The following CYRIA variants were observed in gnomAD, a reference collection of about 807,000 sequenced individuals.
The protein encoded by CYRIA is CYFIP-related Rac1 interactor A.
Under a neutral mutation model 43.9 loss-of-function variants are expected in CYRIA, and 15 were observed. The ratio of observed to expected loss-of-function variants is 0.34; its 90% CI spans 0.23 to 0.53. The LOEUF (loss-of-function observed/expected upper bound fraction) is 0.53, where lower values mean the gene tolerates loss of function less well. Among genes scored for constraint, CYRIA ranks in the 20% least tolerant of loss-of-function variants. CYRIA has a pLI of 0.94. For synonymous variants in CYRIA, 117 were observed against 136.0 expected, an observed-to-expected ratio of 0.86 and a Z score of 0.97; for missense variants, 236 against 394.2, an observed-to-expected ratio of 0.60 and a Z score of 3.40.
rs1350993406 is a variant in CYRIA at position 16,592,301 on chromosome 2, C to A, written c.-10-4172G>T. On this transcript the variant is annotated intron_variant, in intron 2 of 11. Transcript: ENST00000381323. Reference sequence around the variant, plus strand: ...AAGGATACTCAAACTGGTATAAGGTCTTGGCTACCAGAGGAAGAGACGGGA... The same window carrying A: ...AAGGATACTCAAACTGGTATAAGGTATTGGCTACCAGAGGAAGAGACGGGA... Among the ~76,000 whole-genome samples, 6 of 152,208 alleles carry A rather than the reference C, an allele frequency of 3.9e-5. No homozygotes were observed. In the East Asian group the frequency reaches 1.2e-3, roughly 29 times the overall value.
intron 2 of CYRIA, among the ~76,000 whole-genome samples, chr2:16,589,798 A>G (rs1462056688): frequency 6.6e-6 from 1 of 152,082 alleles, no homozygotes; most frequent in Middle Eastern, 3.2e-3. Flanking sequence ...TGAAAGATGG[A>G]TTATAATAGG....
At chr2:16,565,124 AGCAC>A (rs1666879771) in intron 4 of CYRIA, among the ~76,000 whole-genome samples, 1 of 151,918 alleles carries the variant, frequency 6.6e-6, no homozygotes, top group South Asian at 2.1e-4. Context: ...ATTAATCTAT[AGCAC>A]TGTGTGCTCA....
At chr2:16,611,781 G>T (rs752992337) in intron 2 of CYRIA, among the ~76,000 whole-genome samples, 85 of 152,164 alleles carry the variant, frequency 5.6e-4, no homozygotes, top group African/African-American at 1.3e-3. Context: ...GGAGGTGGGG[G>T]GGTGGTGGTG....
At chr2:16,588,671 A>G (rs770675325) in intron 2 of CYRIA, among the ~76,000 whole-genome samples, 4 of 152,110 alleles carry the variant, frequency 2.6e-5, no homozygotes, top group Non-Finnish European at 5.9e-5. Flanking sequence ...TAAGTTCCTG[A>G]AAGCTCACGA....
At chr2:16,563,199 G>A (rs1057147077) in intron 5 of CYRIA, among the ~76,000 whole-genome samples, 1 of 152,138 alleles carries the variant, frequency 6.6e-6, no homozygotes, top group Admixed American at 6.5e-5. Flanking sequence ...ATAGAAAGAA[G>A]TCTATGTTCT....
chr2:16,578,232 G>A (rs537543665), intron 3 of CYRIA, among the ~76,000 whole-genome samples: 4 of 152,262 alleles, frequency 2.6e-5, no homozygotes, highest in African/African-American at 9.6e-5. Flanking sequence ...ATCCAGATTG[G>A]ATGGACTCAA....
chr2:16,607,753 C>T (rs893845577), intron 2 of CYRIA, among the ~76,000 whole-genome samples: 2 of 152,070 alleles, frequency 1.3e-5, no homozygotes, highest in African/African-American at 4.8e-5. Flanking sequence ...TGTGCCACCA[C>T]ACCTGGCTAA....
At chr2:16,567,184 T>C (rs537128198) in intron 3 of CYRIA, among the ~76,000 whole-genome samples, 7 of 152,216 alleles carry the variant, frequency 4.6e-5, no homozygotes, top group Admixed American at 4.6e-4. Flanking sequence ...GCCAGGCAGA[T>C]CACTAGGTCA....
At chr2:16,599,765 A>AT (rs905420954) in intron 2 of CYRIA, among the ~76,000 whole-genome samples, 8 of 150,654 alleles carry the variant, frequency 5.3e-5, no homozygotes, top group African/African-American at 7.3e-5. Context: ...CTCCAACTTT[A>AT]TTTTTTTTTG....
chr2:16,635,619 T>C (rs975243989), intron 1 of CYRIA, among the ~76,000 whole-genome samples: 5 of 152,194 alleles, frequency 3.3e-5, no homozygotes, highest in African/African-American at 1.2e-4. Context: ...CAAGTGTCTA[T>C]TCACCTCCTC....
rs763343020 is a variant in CYRIA at position 16,564,144 on chromosome 2, A to C, written c.193-50T>G. ...TGTTTAAAAAGAAGTGGTAAGCTCCACATCAAAATGCCCTAAGATTTAGTT... is the reference window on the plus strand; with the variant it reads ...TGTTTAAAAAGAAGTGGTAAGCTCCCCATCAAAATGCCCTAAGATTTAGTT... On this transcript the variant is annotated intron_variant, in intron 4 of 11. Transcript: ENST00000381323. 4 of 1,397,064 alleles carry C rather than the reference A, an allele frequency of 2.9e-6. No individual in the cohort carries two copies. In the African/African-American group the frequency reaches 5.7e-5, roughly 20 times the overall value. The allele number at this position is 1,397,064 out of a possible 1,614,324, so 86.5% of individuals were successfully genotyped here.
At chr2:16,577,658 A>T (rs1312557819) in intron 3 of CYRIA, among the ~76,000 whole-genome samples, 1 of 152,220 alleles carries the variant, frequency 6.6e-6, no homozygotes, top group East Asian at 1.9e-4. Flanking sequence ...TAAAAAGAAG[A>T]GTGTGAAGTG....
At chr2:16,609,309 C>T (rs1668513577) in intron 2 of CYRIA, among the ~76,000 whole-genome samples, 1 of 152,200 alleles carries the variant, frequency 6.6e-6, no homozygotes, top group Non-Finnish European at 1.5e-5. Context: ...TCTTCTCTCC[C>T]TCCCTTGTCT....
At position 16,552,925 on chromosome 2, in the gene CYRIA, T is replaced by A. The variant is rs187539517; in HGVS notation, c.*11A>T. 108 of 1,570,082 alleles carry A rather than the reference T, an allele frequency of 6.9e-5. No individual in the cohort carries two copies. Among genetic ancestry groups the A allele is most frequent in the Admixed American group, 1.2e-4 (7 of 59,880 alleles). On this transcript the variant is annotated 3_prime_UTR_variant, in exon 12 of 12. Coordinates refer to ENST00000381323, the MANE Select transcript of CYRIA (RefSeq NM_030797.4). Reference sequence around the variant, plus strand: ...AGGTCAGCACATAGATCCTCTTCTTTGAGCAGAGCTCTACTGAAGCATTGC... The same window carrying A: ...AGGTCAGCACATAGATCCTCTTCTTAGAGCAGAGCTCTACTGAAGCATTGC...
chr2:16,564,834 G>T, intron 4 of CYRIA, among the ~76,000 whole-genome samples: 1 of 152,130 alleles, frequency 6.6e-6, no homozygotes. Flanking sequence ...TTTTGTTGTT[G>T]TTTTGTTTTC....
intron 3 of CYRIA, among the ~76,000 whole-genome samples, chr2:16,574,429 C>T (rs1392969258): frequency 6.6e-6 from 1 of 152,180 alleles, no homozygotes; most frequent in Non-Finnish European, 1.5e-5. Flanking sequence ...CAGAAATATG[C>T]ATAAGTTACT....
At chr2:16,578,012 A>C (rs551220140) in intron 3 of CYRIA, among the ~76,000 whole-genome samples, 4 of 152,186 alleles carry the variant, frequency 2.6e-5, no homozygotes, top group Non-Finnish European at 4.4e-5. Context: ...TAAGTAAAGA[A>C]CAACTGTCTG....
chr2:16,571,328 G>T (rs1318419111), intron 3 of CYRIA, among the ~76,000 whole-genome samples: 2 of 152,210 alleles, frequency 1.3e-5, no homozygotes, highest in East Asian at 3.8e-4. Context: ...GGAGAAGAGT[G>T]ATATTTATTT....
At chr2:16,634,397 C>T (rs147397576) in intron 1 of CYRIA, among the ~76,000 whole-genome samples, 1 of 152,350 alleles carries the variant, frequency 6.6e-6, no homozygotes, top group East Asian at 1.9e-4. Flanking sequence ...GTAGACACAT[C>T]TGATGGTAAG....
Sources: allele counts gnomAD v4.1 joint callset (sites outside exome capture counted in the v4.1 genomes callset), GRCh38; gene constraint gnomAD v4.1.1; transcripts MANE v1.5; gene names NCBI Gene and HGNC (gene_info 2026-07-23, HGNC 2026-07-21).